Variants in TMEM108 observed in about 807,000 individuals in gnomAD.
The protein encoded by TMEM108 is cancer/testis antigen 124.
Under a neutral mutation model 35.1 loss-of-function variants are expected in TMEM108, and 12 were observed. The observed-to-expected ratio is 0.34, with a 90% CI of 0.22 to 0.55. TMEM108 has a LOEUF of 0.55. Ranked by LOEUF, TMEM108 falls within the 20% of genes least tolerant of loss-of-function variation. The probability of loss-of-function intolerance (pLI) is 0.89; values close to 1 mark genes in which losing one functional copy is unlikely to be tolerated. For synonymous variants in TMEM108, 287 were observed against 308.6 expected (o/e 0.93, Z 0.73); for missense variants, 680 against 753.3 (o/e 0.90, Z 1.14).
intron 3 of TMEM108, among the ~76,000 whole-genome samples, chr3:133,266,737 T>C (rs1209412086): frequency 6.6e-6 from 1 of 152,056 alleles, no homozygotes; most frequent in African/African-American, 2.4e-5. Flanking sequence ...GGCTGACCCA[T>C]GTGACATGGC....
At chr3:133,377,263 G>C (rs2072870978) in intron 3 of TMEM108, among the ~76,000 whole-genome samples, 1 of 152,158 alleles carries the variant, frequency 6.6e-6, no homozygotes, top group Non-Finnish European at 1.5e-5. Context: ...CTTAACACTT[G>C]TGAGCTAAAC....
In TMEM108 at chr3:133,388,473, G is replaced by T. The variant is rs77510220; in HGVS notation, c.1451-1707G>T. On this transcript the variant is annotated intron_variant, in intron 4 of 5. Transcript: ENST00000321871. ...TCCTCTTCAACCATCTGAAGAAAGG[G>T]TTTTTTGGAAGGAAGGGAGGGAAAG... The T allele has an allele frequency of 5.6e-3, 5,555 of 985,384 alleles. 224 individuals are homozygous for T. The African/African-American group carries it at 0.09, about 16-fold the overall frequency. 61.0% of individuals were successfully genotyped at this position (985,384 alleles called of 1,614,324 possible).
At chr3:133,240,933 A>T (rs1016608475) in intron 3 of TMEM108, among the ~76,000 whole-genome samples, 9 of 149,484 alleles carry the variant, frequency 6.0e-5, no homozygotes, top group Non-Finnish European at 1.0e-4. Context: ...AATCTTATTT[A>T]AAAAAAAAAG....
intron 2 of TMEM108, among the ~76,000 whole-genome samples, chr3:133,149,077 A>T (rs1280397890): frequency 6.6e-6 from 1 of 152,170 alleles, no homozygotes; most frequent in Admixed American, 6.6e-5. Context: ...CACCTACATC[A>T]GTCAAGCTGG....
intron 3 of TMEM108, among the ~76,000 whole-genome samples, chr3:133,287,050 A>G (rs1946995426): frequency 6.6e-6 from 1 of 152,124 alleles, no homozygotes; most frequent in Admixed American, 6.5e-5. Flanking sequence ...TGCTGTAAAA[A>G]CAGGCAGGGA....
intron 2 of TMEM108, among the ~76,000 whole-genome samples, chr3:133,145,216 A>G (rs935030437): frequency 1.3e-5 from 2 of 152,222 alleles, no homozygotes; most frequent in African/African-American, 4.8e-5. Flanking sequence ...GTTATTAAAT[A>G]GGAAATCCTT....
chr3:133,314,681 G>T (rs2071174837), intron 3 of TMEM108, among the ~76,000 whole-genome samples: 1 of 152,200 alleles, frequency 6.6e-6, no homozygotes, highest in Non-Finnish European at 1.5e-5. Context: ...TTTGGGATCT[G>T]CTGGTGCTTT....
chr3:133,276,966 G>T (rs1005839600), intron 3 of TMEM108, among the ~76,000 whole-genome samples: 1 of 152,160 alleles, frequency 6.6e-6, no homozygotes, highest in African/African-American at 2.4e-5. Context: ...ATTCAGTGGG[G>T]TACACTCAGG....
intron 3 of TMEM108, among the ~76,000 whole-genome samples, chr3:133,287,944 C>T (rs373969271): frequency 6.4e-4 from 98 of 152,308 alleles, no homozygotes; most frequent in Middle Eastern, 6.8e-3. Context: ...ATGTTCCCAA[C>T]GTCATCCCTT....
At chr3:133,374,692 AT>A (rs1249364855) in intron 3 of TMEM108, among the ~76,000 whole-genome samples, 1 of 152,086 alleles carries the variant, frequency 6.6e-6, no homozygotes, top group Non-Finnish European at 1.5e-5. Flanking sequence ...CAGTCCTTTT[AT>A]TGTACTACTA....
chr3:133,284,448 G>A (rs1331022310), intron 3 of TMEM108, among the ~76,000 whole-genome samples: 1 of 152,204 alleles, frequency 6.6e-6, no homozygotes, highest in African/African-American at 2.4e-5. Context: ...AGGCAAACTA[G>A]TTTCTAAGCA....
chr3:133,078,329 C>T (rs1943770080), intron 2 of TMEM108, among the ~76,000 whole-genome samples: 1 of 152,146 alleles, frequency 6.6e-6, no homozygotes, highest in Non-Finnish European at 1.5e-5. Flanking sequence ...ATGGCTCCAG[C>T]CTTCCTACCC....
intron 3 of TMEM108, chr3:133,378,326 C>T (rs1253315462): frequency 1.0e-6 from 1 of 985,214 alleles, no homozygotes; most frequent in Admixed American, 6.1e-5. Context: ...TCCTCCCCAT[C>T]TCTGCTTCTC....
chr3:133,313,807 C>T (rs1423737595), intron 3 of TMEM108, among the ~76,000 whole-genome samples: 2 of 151,882 alleles, frequency 1.3e-5, no homozygotes, highest in African/African-American at 4.8e-5. Context: ...TCTCAGTGTC[C>T]CTGGAAAAGA....
intron 3 of TMEM108, among the ~76,000 whole-genome samples, chr3:133,262,724 A>C (rs1946641773): frequency 6.6e-6 from 1 of 152,238 alleles, no homozygotes; most frequent in Non-Finnish European, 1.5e-5. Flanking sequence ...GCTGTGTGCC[A>C]AGCCCCACTA....
intron 3 of TMEM108, among the ~76,000 whole-genome samples, chr3:133,312,444 C>T (rs1241203690): frequency 1.3e-5 from 2 of 152,168 alleles, no homozygotes; most frequent in Admixed American, 6.5e-5. Context: ...CAATGGCAGA[C>T]GCCTCTCCCC....
Position 133,186,061 on chromosome 3 carries a change from C to G in TMEM108, c.-46-43205C>G, listed in dbSNP as rs369493756. On this transcript the variant is annotated intron_variant, in intron 2 of 5. Coordinates refer to ENST00000321871, the MANE Select transcript of TMEM108 (RefSeq NM_023943.4). ...GGGATTACAGGCATGAGCCACCGTG[C>G]CCAGCTGGGGCCTTGCATTTCTAAT... Among the ~76,000 whole-genome samples, 19 of 150,396 alleles carry G rather than the reference C, an allele frequency of 1.3e-4. No homozygotes were observed. In the East Asian group the frequency reaches 3.7e-3, roughly 29 times the overall value.
chr3:133,329,847 A>G (rs970446467), intron 3 of TMEM108, among the ~76,000 whole-genome samples: 5 of 152,184 alleles, frequency 3.3e-5, no homozygotes, highest in African/African-American at 1.2e-4. Flanking sequence ...GCTGTGATCT[A>G]GATTCCCTAA....
intron 3 of TMEM108, among the ~76,000 whole-genome samples, chr3:133,342,922 C>T (rs1021965339): frequency 7.9e-5 from 12 of 151,196 alleles, no homozygotes; most frequent in African/African-American, 2.4e-4. Context: ...TTGAACGTTC[C>T]CAACACAAAG....
Sources: gnomAD v4.1 joint callset for allele counts (sites outside exome capture counted in the v4.1 genomes callset) on GRCh38, gnomAD v4.1.1 for gene constraint, MANE v1.5 for transcripts, NCBI Gene and HGNC (gene_info 2026-07-23, HGNC 2026-07-21) for gene names.